GPC5: variants seen among roughly 807,000 people sequenced by gnomAD.
GPC5 encodes the protein glypican-5.
Under a neutral mutation model 53.9 loss-of-function variants are expected in GPC5, and 47 were observed. The observed-to-expected ratio is 0.87, with a 90% CI of 0.69 to 1.11. GPC5 has a LOEUF of 1.11. GPC5 is among the 50% of genes most tolerant of loss of function. GPC5 has a pLI of 0.00. For synonymous variants in GPC5, 286 were observed against 263.3 expected, an observed-to-expected ratio of 1.09 and a Z score of -0.84; for missense variants, 748 against 713.1, an observed-to-expected ratio of 1.05 and a Z score of -0.56.
At chr13:92,156,109 G>A (rs1395699355) in intron 7 of GPC5, among the ~76,000 whole-genome samples, 2 of 151,930 alleles carry the variant, frequency 1.3e-5, no homozygotes, top group Non-Finnish European at 2.9e-5. Flanking sequence ...AAATATGGTG[G>A]CTTGTTTTCT....
At chr13:92,370,329 G>A (rs918305395) in intron 7 of GPC5, among the ~76,000 whole-genome samples, 2 of 152,202 alleles carry the variant, frequency 1.3e-5, no homozygotes, top group East Asian at 3.9e-4. Flanking sequence ...CCGTAATGTG[G>A]TCAATACATG....
rs560563285 is a variant in GPC5 at position 92,210,596 on chromosome 13, AT to A, written c.1561+65616del. The stretch of plus-strand genomic sequence containing the variant: ...TAACAATTTATAACAGTGGTCCATA[AT>A]TTTTTTTTGAATACTGAGACCATGG... On this transcript the variant is annotated intron_variant, in intron 7 of 7. Coordinates refer to ENST00000377067, the MANE Select transcript of GPC5 (RefSeq NM_004466.6). 3.6e-3 allele frequency among the ~76,000 whole-genome samples: 541 copies of A among 151,592 alleles called. 2 individuals carry two copies. The highest frequency in any genetic ancestry group is 5.5e-3 in the Non-Finnish European group (373 of 67,818).
At chr13:91,627,493 C>A (rs2034037363) in intron 2 of GPC5, among the ~76,000 whole-genome samples, 1 of 151,892 alleles carries the variant, frequency 6.6e-6, no homozygotes, top group Non-Finnish European at 1.5e-5. Context: ...TTCTTTTACA[C>A]CTTAGATTGT....
intron 3 of GPC5, among the ~76,000 whole-genome samples, chr13:91,715,956 T>G (rs2036328904): frequency 6.6e-6 from 1 of 152,074 alleles, no homozygotes; most frequent in Non-Finnish European, 1.5e-5. Flanking sequence ...AAAAAATACT[T>G]TTTGTAGAGA....
intron 6 of GPC5, among the ~76,000 whole-genome samples, chr13:91,972,422 T>C (rs2040252264): frequency 6.6e-6 from 1 of 152,076 alleles, no homozygotes; most frequent in Non-Finnish European, 1.5e-5. Flanking sequence ...CTTTATCCAA[T>C]TTGCCAGTCT....
At chr13:92,234,028 T>C (rs1566496803) in intron 7 of GPC5, among the ~76,000 whole-genome samples, 1 of 152,230 alleles carries the variant, frequency 6.6e-6, no homozygotes, top group Non-Finnish European at 1.5e-5. Flanking sequence ...ATGGTGTATA[T>C]GTGCCACATT....
chr13:91,609,538 G>A (rs957807576), intron 2 of GPC5, among the ~76,000 whole-genome samples: 19 of 152,272 alleles, frequency 1.2e-4, no homozygotes, highest in African/African-American at 4.3e-4. Context: ...AGCTGCCAGA[G>A]GTTTCACATA....
chr13:92,241,453 TTC>T (rs2042610989), intron 7 of GPC5: 1 of 152,156 alleles, frequency 6.6e-6, no homozygotes, highest in African/African-American at 2.4e-5. Context: ...GTTTTAGCAG[TTC>T]ACAGTAATGT....
chr13:91,570,977 A>G (rs556944231), intron 2 of GPC5, among the ~76,000 whole-genome samples: 1 of 152,266 alleles, frequency 6.6e-6, no homozygotes, highest in African/African-American at 2.4e-5. Context: ...AGCTTGCCTC[A>G]GTAGTTTTTT....
chr13:91,761,322 C>T (rs887707978), intron 5 of GPC5, among the ~76,000 whole-genome samples: 18 of 152,214 alleles, frequency 1.2e-4, no homozygotes, highest in Admixed American at 4.6e-4. Flanking sequence ...TTTATACCAC[C>T]GCAACAATCA....
chr13:92,065,579 TATC>T (rs1320078900), intron 6 of GPC5, among the ~76,000 whole-genome samples: 2 of 152,192 alleles, frequency 1.3e-5, no homozygotes, highest in East Asian at 3.8e-4. Flanking sequence ...CATATGTTCT[TATC>T]ATTCTGTGTC....
At chr13:91,997,175 G>C (rs920075268) in intron 6 of GPC5, among the ~76,000 whole-genome samples, 1 of 152,102 alleles carries the variant, frequency 6.6e-6, no homozygotes, top group African/African-American at 2.4e-5. Context: ...AGAACCACCT[G>C]TATATATGAT....
At chr13:91,435,395 A>C (rs1234952135) in intron 1 of GPC5, among the ~76,000 whole-genome samples, 1 of 152,150 alleles carries the variant, frequency 6.6e-6, no homozygotes, top group Admixed American at 6.5e-5. Context: ...TTTAGCATGA[A>C]GGGTTGTTGA....
At chr13:92,518,759 A>T (rs1880901344) in intron 7 of GPC5, among the ~76,000 whole-genome samples, 1 of 152,222 alleles carries the variant, frequency 6.6e-6, no homozygotes, top group Admixed American at 6.5e-5. Context: ...TAATGACAGG[A>T]TCAAATTCAC....
intron 5 of GPC5, among the ~76,000 whole-genome samples, chr13:91,850,262 G>A (rs1443569425): frequency 6.6e-6 from 1 of 152,064 alleles, no homozygotes; most frequent in Non-Finnish European, 1.5e-5. Context: ...TGACATCCAT[G>A]CTTTTTGCCA....
At chr13:91,795,402 T>C (rs1283947589) in intron 5 of GPC5, among the ~76,000 whole-genome samples, 1 of 152,208 alleles carries the variant, frequency 6.6e-6, no homozygotes, top group African/African-American at 2.4e-5. Context: ...CAACAAACTA[T>C]AGCTTTCTGT....
chr13:91,792,269 C>T (rs1466371730), intron 5 of GPC5, among the ~76,000 whole-genome samples: 3 of 152,198 alleles, frequency 2.0e-5, no homozygotes, highest in South Asian at 4.1e-4. Context: ...AATCAACCAA[C>T]ACATCTAGTA....
intron 4 of GPC5, among the ~76,000 whole-genome samples, chr13:91,742,596 C>T (rs1191463355): frequency 2.6e-5 from 4 of 152,156 alleles, no homozygotes; most frequent in East Asian, 1.9e-4. Context: ...GATGTGGCTA[C>T]GTGCCCATAT....
At chr13:91,526,670 G>GT (rs1886100352) in intron 2 of GPC5, among the ~76,000 whole-genome samples, 1 of 152,268 alleles carries the variant, frequency 6.6e-6, no homozygotes, top group East Asian at 1.9e-4. Flanking sequence ...TTTCAGAGCT[G>GT]TTTTTCTTTG....
Sources: gnomAD v4.1 joint callset for allele counts (sites outside exome capture counted in the v4.1 genomes callset) on GRCh38, gnomAD v4.1.1 for gene constraint, MANE v1.5 for transcripts, NCBI Gene and HGNC (gene_info 2026-07-23, HGNC 2026-07-21) for gene names.